The following PTGFRN variants were observed in gnomAD, a reference collection of about 807,000 sequenced individuals.
The protein encoded by PTGFRN is prostaglandin F2 receptor inhibitor.
PTGFRN carries 35 observed loss-of-function variants against 83.2 expected under a neutral mutation model. The observed-to-expected ratio is 0.42, with a 90% CI of 0.32 to 0.56. The LOEUF (loss-of-function observed/expected upper bound fraction) is 0.56, where lower values mean the gene tolerates loss of function less well. Ranked by LOEUF, PTGFRN falls within the 20% of genes least tolerant of loss-of-function variation. The pLI is 0.11. For synonymous variants in PTGFRN, 519 were observed against 498.6 expected (o/e 1.04, Z -0.55); for missense variants, 1,051 against 1,179.5 (o/e 0.89, Z 1.60).
intron 1 of PTGFRN, among the ~76,000 whole-genome samples, chr1:116,936,762 A>G (rs1011430495): frequency 1.3e-5 from 2 of 152,234 alleles, no homozygotes; most frequent in South Asian, 2.1e-4. Flanking sequence ...GAGCCAGATC[A>G]TGAGTGGTCT....
intron 4 of PTGFRN, among the ~76,000 whole-genome samples, chr1:116,954,373 T>C (rs1650430406): frequency 1.4e-5 from 2 of 144,970 alleles, no homozygotes; most frequent in South Asian, 4.7e-4. Flanking sequence ...GTTATACAAA[T>C]GGTGATCGTG....
rs766354691 is a variant in PTGFRN, at chr1:116,974,233, T to A, written c.2077T>A (p.Ser693Thr). ...FQTSGPIFNA[S>T]VHSDTPSVIR... ...TTTTCCAGGTCCTATATTTAATGCT[T>A]CTGTGCATTCAGACACACCATCAGT... is the stretch of plus-strand genomic sequence containing the variant. Residue 693 changes from serine to threonine, a missense_variant, in exon 7 of 9, where the codon TCT becomes ACT. Transcript: ENST00000393203. 6.2e-7 allele frequency: 1 copy of A among 1,609,198 alleles called. No homozygotes were observed. Among genetic ancestry groups the A allele is most frequent in the Non-Finnish European group, 8.5e-7 (1 of 1,175,760 alleles).
At position 116,968,819 on chromosome 1, in the gene PTGFRN, C is replaced by G. The variant is rs181944359; in HGVS notation, c.2059+1489C>G. ...TCATATTATATGTGGACTTTTGTGA[C>G]TTGCTTTTTTTCACTTAGCATAATG... On this transcript the variant is annotated intron_variant, in intron 6 of 8. Transcript: ENST00000393203. Among the ~76,000 whole-genome samples, 238 of 152,228 alleles carry G rather than the reference C, an allele frequency of 1.6e-3. 1 individual carries two copies. The highest frequency in any genetic ancestry group is 5.5e-3 in the African/African-American group (227 of 41,566).
At chr1:116,931,916 T>C (rs941575186) in intron 1 of PTGFRN, among the ~76,000 whole-genome samples, 1 of 152,194 alleles carries the variant, frequency 6.6e-6, no homozygotes, top group African/African-American at 2.4e-5. Flanking sequence ...CAAGGCATGC[T>C]GAAAACCATA....
chr1:116,929,878 C>A (rs939647682), intron 1 of PTGFRN, among the ~76,000 whole-genome samples: 1 of 152,096 alleles, frequency 6.6e-6, no homozygotes, highest in African/African-American at 2.4e-5. Context: ...CATGGTTGTG[C>A]CTTCTCTTCC....
rs116583991 is a variant in PTGFRN, at chr1:116,956,807, G to A, written c.1214-4436G>A. Among the ~76,000 whole-genome samples the A allele has an allele frequency of 4.4e-3, 671 of 152,332 alleles. 4 individuals are homozygous for A. The highest frequency in any genetic ancestry group is 0.016 in the African/African-American group (645 of 41,576). ...GGTTGTTATTATAGTCTTGGCTAGA[G>A]GGAGTGAGGGCCAGGGTGAAGGTGT... On this transcript the variant is annotated intron_variant, in intron 4 of 8. Transcript: ENST00000393203.
chr1:116,970,989 GAAT>G (rs1464208754), intron 6 of PTGFRN, among the ~76,000 whole-genome samples: 2 of 152,114 alleles, frequency 1.3e-5, no homozygotes, highest in African/African-American at 4.8e-5. Context: ...TTTAAAAGAA[GAAT>G]AATAAATTTT....
intron 1 of PTGFRN, among the ~76,000 whole-genome samples, chr1:116,917,547 G>C (rs563887748): frequency 2.4e-4 from 36 of 152,288 alleles, no homozygotes; most frequent in African/African-American, 7.2e-4. Flanking sequence ...TCTCTGCAGT[G>C]ATCTCAGACT....
rs1326348859 is a variant in PTGFRN, at chr1:116,945,023, G to A, written c.763G>A (p.Glu255Lys). 1.2e-6 allele frequency: 2 copies of A among 1,613,740 alleles called. No homozygotes were observed. The highest frequency in any genetic ancestry group is 1.3e-5 in the African/African-American group (1 of 74,938). The change falls in exon 3 of 9, where the codon GAG becomes AAG. Residue 255 changes from glutamate to lysine, a missense_variant. Glu to Lys is a moderately conservative substitution (Grantham distance 56). Coordinates refer to ENST00000393203, the MANE Select transcript of PTGFRN (RefSeq NM_020440.4). ...YRCIVSEWIA[E>K]QGNWQEIQEK... ...GTGTATCGTCAGCGAGTGGATCGCCGAGCAGGGCAACTGGCAGGAAATCCA... is the reference window on the plus strand; with the variant it reads ...GTGTATCGTCAGCGAGTGGATCGCCAAGCAGGGCAACTGGCAGGAAATCCA...
chr1:116,947,666 G>A (rs938262597), intron 3 of PTGFRN, among the ~76,000 whole-genome samples: 6 of 152,310 alleles, frequency 3.9e-5, no homozygotes, highest in South Asian at 2.1e-4. Context: ...CTCCTGAGTC[G>A]TCTTTTACTT....
chr1:116,970,728 A>G (rs1313023506), intron 6 of PTGFRN, among the ~76,000 whole-genome samples: 1 of 152,252 alleles, frequency 6.6e-6, no homozygotes. Context: ...CCAGAACAAT[A>G]CTATAGCCCT....
chr1:116,942,760 G>A (rs1650093458), intron 2 of PTGFRN, among the ~76,000 whole-genome samples: 1 of 152,162 alleles, frequency 6.6e-6, no homozygotes, highest in Admixed American at 6.5e-5. Context: ...TACCTGGAAT[G>A]TTTTGGGATT....
chr1:116,948,518 T>C (rs1650257012), intron 3 of PTGFRN, among the ~76,000 whole-genome samples: 1 of 152,240 alleles, frequency 6.6e-6, no homozygotes, highest in African/African-American at 2.4e-5. Context: ...TTTGAAGACT[T>C]GACTCAAGGA....
At chr1:116,930,794 C>T (rs1649776519) in intron 1 of PTGFRN, among the ~76,000 whole-genome samples, 1 of 152,048 alleles carries the variant, frequency 6.6e-6, no homozygotes, top group Non-Finnish European at 1.5e-5. Context: ...TTTTAGTCAC[C>T]CTGTCTTCAC....
At position 116,909,981 on chromosome 1, in the gene PTGFRN, G is replaced by A. The variant is rs927221526; in HGVS notation, c.-223G>A. On this transcript the variant is annotated 5_prime_UTR_variant, in exon 1 of 9. Coordinates refer to ENST00000393203, the MANE Select transcript of PTGFRN (RefSeq NM_020440.4). Reference sequence around the variant, plus strand: ...ATCGGCGGGGCCGGCTCCCGGGCCCGGCCGGCTGGAGGAGGGAGGGAAGGA... The same window carrying A: ...ATCGGCGGGGCCGGCTCCCGGGCCCAGCCGGCTGGAGGAGGGAGGGAAGGA... 2.1e-4 allele frequency: 117 copies of A among 570,406 alleles called. No individual in the cohort carries two copies. Among genetic ancestry groups the A allele is most frequent in the Middle Eastern group, 4.4e-4 (1 of 2,264 alleles). The allele number at this position is 570,406 out of a possible 1,614,324, so 35.3% of individuals were successfully genotyped here. A position where few individuals can be genotyped will look rare whatever the true frequency, so the allele number is the denominator to read the frequency against.
Position 116,989,517 on chromosome 1 carries a change from GAA to G in PTGFRN, c.*2552_*2553del, listed in dbSNP as rs1651643462. The G allele has an allele frequency of 6.6e-6, 1 of 152,594 alleles. No individual in the cohort carries two copies. Among genetic ancestry groups the G allele is most frequent in the Non-Finnish European group, 1.5e-5 (1 of 68,040 alleles). The allele number at this position is 152,594 out of a possible 1,614,324, so 9.5% of individuals were successfully genotyped here. ...TCCTACCAGCAGCACTGGTGTGAATGAAAGAGAGACCCAGCCGCGTCTCACAC... is the reference window on the plus strand; with the variant it reads ...TCCTACCAGCAGCACTGGTGTGAATGAGAGAGACCCAGCCGCGTCTCACAC... On this transcript the variant is annotated 3_prime_UTR_variant, in exon 9 of 9. Coordinates refer to ENST00000393203, the MANE Select transcript of PTGFRN (RefSeq NM_020440.4).
In PTGFRN at chr1:116,949,341, T is replaced by C. The variant is rs1290892264; in HGVS notation, c.982T>C (p.Ser328Pro). The C allele has an allele frequency of 1.2e-6, 2 of 1,614,136 alleles. No homozygotes were observed. The highest frequency in any genetic ancestry group is 1.7e-6 in the Non-Finnish European group (2 of 1,180,054). ...GATGCCTGACAGCACCCTACCTGGC[T>C]CCCGCGTGTTGGCGCGGCTTGACCG... Reference protein sequence around the residue: ...SRMPDSTLPGSRVLARLDRDS... With the variant: ...SRMPDSTLPGPRVLARLDRDS... The change falls in exon 4 of 9, where the codon TCC (serine) becomes CCC (proline). Residue 328 changes from serine to proline, a missense_variant. Physicochemically the swap from Ser to Pro is moderately conservative, Grantham distance 74 (BLOSUM62 -1). This residue lies in a region of PTGFRN where 719 missense variants were observed against 836.6 expected (regional missense o/e 0.86). Coordinates refer to ENST00000393203, the MANE Select transcript of PTGFRN (RefSeq NM_020440.4).
chr1:116,968,395 T>TC (rs1650899042), intron 6 of PTGFRN, among the ~76,000 whole-genome samples: 1 of 152,054 alleles, frequency 6.6e-6, no homozygotes, highest in African/African-American at 2.4e-5. Flanking sequence ...TTATAGCCTT[T>TC]TATGGTATAT....
chr1:116,954,537 TTAAC>T (rs558169840), intron 4 of PTGFRN, among the ~76,000 whole-genome samples: 4 of 152,242 alleles, frequency 2.6e-5, no homozygotes, highest in Non-Finnish European at 5.9e-5. Flanking sequence ...CTGTGCCAAG[TTAAC>T]TAAGTTTCAG....
Sources: allele counts gnomAD v4.1 joint callset (sites outside exome capture counted in the v4.1 genomes callset), GRCh38; gene constraint gnomAD v4.1.1; regional missense constraint gnomAD v4.1.1; transcripts MANE v1.5; gene names NCBI Gene and HGNC (gene_info 2026-07-23, HGNC 2026-07-21).